The following CRADD variants were observed in gnomAD, a reference collection of about 807,000 sequenced individuals.
The protein encoded by CRADD is CARD and death domain containing adaptor protein.
Under a neutral mutation model 15.5 loss-of-function variants are expected in CRADD, and 9 were observed. That is an observed-to-expected ratio of 0.58 (90% CI 0.35 to 1.01). The LOEUF (loss-of-function observed/expected upper bound fraction) is 1.01, where lower values mean the gene tolerates loss of function less well. Among genes scored for constraint, CRADD ranks in the 50% least tolerant of loss-of-function variants. The pLI, the probability that CRADD is intolerant of heterozygous loss-of-function variation, is 0.02. For synonymous variants in CRADD, 118 were observed against 107.6 expected (o/e 1.10, Z -0.60); for missense variants, 227 against 250.3 (o/e 0.91, Z 0.63).
At chr12:93,716,079 C>G (rs1956157144) in intron 2 of CRADD, among the ~76,000 whole-genome samples, 1 of 150,708 alleles carries the variant, frequency 6.6e-6, no homozygotes, top group South Asian at 2.1e-4. Flanking sequence ...TTGCAGTGAG[C>G]TGAGATTGTG....
intron 2 of CRADD, among the ~76,000 whole-genome samples, chr12:93,872,552 G>T (rs1355731718): frequency 1.3e-5 from 2 of 152,144 alleles, no homozygotes; most frequent in East Asian, 3.9e-4. Flanking sequence ...TTAGATTTAA[G>T]TCTTGAATCC....
At chr12:93,686,914 AT>A (rs200107901) in intron 2 of CRADD, among the ~76,000 whole-genome samples, 3,940 of 140,310 alleles carry the variant, frequency 0.028, 135 homozygotes, top group African/African-American at 0.086. Flanking sequence ...GTACTAATGC[AT>A]TTTTTTTTTT....
At chr12:93,834,127 C>CT (rs1264835818) in intron 2 of CRADD, among the ~76,000 whole-genome samples, 1 of 152,228 alleles carries the variant, frequency 6.6e-6, no homozygotes, top group Admixed American at 6.5e-5. Context: ...AGGCACAGCC[C>CT]TTACCCCCAT....
chr12:93,720,223 C>T (rs1476164581), intron 2 of CRADD, among the ~76,000 whole-genome samples: 1 of 152,060 alleles, frequency 6.6e-6, no homozygotes, highest in African/African-American at 2.4e-5. Flanking sequence ...TCTCCAAGTA[C>T]TTTGGAATTT....
intron 2 of CRADD, among the ~76,000 whole-genome samples, chr12:93,819,561 T>A (rs762996299): frequency 7.9e-5 from 12 of 152,216 alleles, no homozygotes; most frequent in Non-Finnish European, 1.8e-4. Context: ...AGTTTCCTCA[T>A]TTAAGAAAGT....
intron 2 of CRADD, among the ~76,000 whole-genome samples, chr12:93,694,494 TA>T (rs1955652738): frequency 6.6e-6 from 1 of 152,038 alleles, no homozygotes; most frequent in Admixed American, 6.6e-5. Context: ...GATAAAGAAA[TA>T]AAAGGTATCT....
chr12:93,854,510 T>C (rs1958255056), downstream of CRADD, among the ~76,000 whole-genome samples: 1 of 152,234 alleles, frequency 6.6e-6, no homozygotes, highest in Non-Finnish European at 1.5e-5. Context: ...GGGAGGGCTC[T>C]ACCAAAAGGC....
At chr12:93,789,161 A>G (rs934904179) in intron 2 of CRADD, among the ~76,000 whole-genome samples, 21 of 151,898 alleles carry the variant, frequency 1.4e-4, no homozygotes, top group Non-Finnish European at 2.9e-4. Flanking sequence ...TTCCCAGAGT[A>G]CCAGAGTTTT....
intron 2 of CRADD, among the ~76,000 whole-genome samples, chr12:93,875,896 A>G (rs4761532): frequency 0.39 from 59,177 of 151,924 alleles, 12,145 homozygotes; most frequent in Middle Eastern, 0.49. Context: ...CGTACTTACC[A>G]TTACCAGTGA....
At chr12:93,703,607 C>T (rs182328604) in intron 2 of CRADD, among the ~76,000 whole-genome samples, 18 of 152,002 alleles carry the variant, frequency 1.2e-4, no homozygotes, top group African/African-American at 3.9e-4. Flanking sequence ...AGCGATCTGC[C>T]CACCTCAGCC....
chr12:93,755,259 A>T (rs1343640016), intron 2 of CRADD, among the ~76,000 whole-genome samples: 1 of 152,232 alleles, frequency 6.6e-6, no homozygotes, highest in East Asian at 1.9e-4. Flanking sequence ...GGGTGGGGAC[A>T]CAGCCAAACC....
At chr12:93,717,822 G>A (rs1171735768) in intron 2 of CRADD, among the ~76,000 whole-genome samples, 1 of 152,198 alleles carries the variant, frequency 6.6e-6, no homozygotes, top group Non-Finnish European at 1.5e-5. Flanking sequence ...CACCCTTCCT[G>A]TGATCTATTT....
intron 2 of CRADD, among the ~76,000 whole-genome samples, chr12:93,880,459 T>C (rs1037300945): frequency 1.3e-5 from 2 of 152,264 alleles, no homozygotes; most frequent in African/African-American, 4.8e-5. Context: ...AGAGTCCTAG[T>C]CATATTCTAA....
At chr12:93,717,065 C>T (rs1956175261) in intron 2 of CRADD, among the ~76,000 whole-genome samples, 1 of 152,138 alleles carries the variant, frequency 6.6e-6, no homozygotes, top group Non-Finnish European at 1.5e-5. Flanking sequence ...TGGATTGTGA[C>T]CGTCTAATGG....
intron 1 of CRADD, chr12:93,678,070 C>T (rs1356585493): frequency 3.9e-5 from 6 of 152,268 alleles, no homozygotes; most frequent in Admixed American, 3.9e-4. Context: ...ATAAAATGTC[C>T]CATGCATGTG....
rs56689824 is a variant in CRADD, at chr12:93,810,551, CAAAAAAAAAAAAAAAAAAAAA to C, written c.299-39399_299-39379del. On this transcript the variant is annotated intron_variant, in intron 2 of 2. Coordinates refer to ENST00000332896, the MANE Select transcript of CRADD (RefSeq NM_003805.5). ...GGGCAACAAGAGCGCAAATCAGTCT[CAAAAAAAAAAAAAAAAAAAAA>C]AAAAAAAAAAAAAAAAAAAGAATAG... Among the ~76,000 whole-genome samples the C allele has an allele frequency of 1.2e-3, 48 of 39,072 alleles. No individual in the cohort carries two copies. In the East Asian group the frequency reaches 0.013, roughly 11 times the overall value. 25.6% of individuals were successfully genotyped at this position (39,072 alleles called of 152,430 possible).
intron 2 of CRADD, among the ~76,000 whole-genome samples, chr12:93,791,562 T>C (rs1957349559): frequency 6.6e-6 from 1 of 152,140 alleles, no homozygotes; most frequent in Non-Finnish European, 1.5e-5. Flanking sequence ...TAGTCAAATG[T>C]ACAAAATCTC....
chr12:93,701,375 C>T (rs1565878042), intron 2 of CRADD, among the ~76,000 whole-genome samples: 1 of 151,536 alleles, frequency 6.6e-6, no homozygotes, highest in African/African-American at 2.4e-5. Context: ...TGTGACTGCT[C>T]CACAGTTACC....
At chr12:93,780,344 A>G (rs1458994005) in intron 2 of CRADD, among the ~76,000 whole-genome samples, 1 of 152,210 alleles carries the variant, frequency 6.6e-6, no homozygotes, top group Admixed American at 6.5e-5. Context: ...TGAGTACTGT[A>G]AAAGAGAATT....
Sources: allele counts gnomAD v4.1 joint callset (sites outside exome capture counted in the v4.1 genomes callset), GRCh38; gene constraint gnomAD v4.1.1; transcripts MANE v1.5; gene names NCBI Gene and HGNC (gene_info 2026-07-23, HGNC 2026-07-21).